Variants in FAT2 observed in about 807,000 individuals in gnomAD.
FAT2 encodes the protein FAT atypical cadherin 2.
A neutral mutation model predicts 295.3 loss-of-function variants in FAT2; 150 were observed. The ratio of observed to expected loss-of-function variants is 0.51; its 90% CI spans 0.44 to 0.58. The LOEUF is 0.58. Among genes scored for constraint, FAT2 ranks in the 20% least tolerant of loss-of-function variants. The probability of loss-of-function intolerance (pLI) is 0.00; values close to 1 mark genes in which losing one functional copy is unlikely to be tolerated. For missense variants in FAT2, 4,868 were observed against 5,442.7 expected (o/e 0.89, Z 3.32); for synonymous variants, 2,026 against 2,150.3 (o/e 0.94, Z 1.60).
Position 151,565,813 on chromosome 5 carries a change from TG to T in FAT2, c.3118del (p.Gln1040ArgfsTer12). 6.2e-7 allele frequency: 1 copy of T among 1,614,188 alleles called. No individual in the cohort carries two copies. Among genetic ancestry groups the T allele is most frequent in the East Asian group, 2.2e-5 (1 of 44,888 alleles). ...PHFASFVHQG[Q>X]VQENSPSGTQ... ...TCCCGAGGGGCTGTTCTCCTGCACC[TG>T]GCCCTGGTGCACGAAGGAGGCAAAG... On this transcript the variant is annotated frameshift_variant, in exon 2 of 24. Coordinates refer to ENST00000261800, the MANE Select transcript of FAT2 (RefSeq NM_001447.3). LOFTEE classifies it high-confidence loss of function.
chr5:151,517,697 T>C lies in FAT2; in HGVS notation c.11386A>G (p.Ile3796Val). The change falls in exon 20 of 24, where the codon ATC (isoleucine) becomes GTC (valine). Residue 3796 changes from isoleucine (I) to valine (V), a missense_variant. Coordinates refer to ENST00000261800, the MANE Select transcript of FAT2 (RefSeq NM_001447.3). ...TGGAGTGTTTTCAGATAGAAATGGA[T>C]GTGCCAGTTCCGAGCCGCTGGGGCC... ...YRAPAARNWHIHFYLKTLQPQ... is the reference protein window; with the variant it reads ...YRAPAARNWHVHFYLKTLQPQ... 1.2e-6 allele frequency: 2 copies of C among 1,614,202 alleles called. No homozygotes were observed. Among genetic ancestry groups the C allele is most frequent in the Non-Finnish European group, 1.7e-6 (2 of 1,180,028 alleles).
intron 11 of FAT2, 94 bp from the exon 12 acceptor site, chr5:151,538,040 A>C (rs1755653122): frequency 3.6e-6 from 4 of 1,103,784 alleles, no homozygotes; most frequent in Non-Finnish European, 5.2e-6. Context: ...GCAGAAGCAG[A>C]AAGAGAGACA....
chr5:151,584,787 T>G (rs1759106608), intron 1 of FAT2, among the ~76,000 whole-genome samples: 1 of 152,142 alleles, frequency 6.6e-6, no homozygotes, highest in Admixed American at 6.5e-5. Flanking sequence ...GAGCACGGAT[T>G]GGAACAAATG....
At position 151,542,960 on chromosome 5, in the gene FAT2, T is replaced by A. The variant is rs954237759; in HGVS notation, c.8167A>T (p.Ile2723Phe). The A allele has an allele frequency of 6.2e-7, 1 of 1,614,234 alleles. No individual in the cohort carries two copies. The highest frequency in any genetic ancestry group is 1.7e-5 in the Admixed American group (1 of 60,024). The change falls in exon 10 of 24, where the codon ATC (isoleucine) becomes TTC (phenylalanine). Residue 2723 changes from isoleucine (I) to phenylalanine (F), a missense_variant. Transcript: ENST00000261800. ...GTAGTGCCCCGCACTAGACTGTAGA[T>A]GACTGGATCTTGAGCTGCCACTGCT... ...VKAVAAQDPV[I>F]YSLVRGTTPE...
At chr5:151,522,160 C>A in intron 18 of FAT2, 74 bp from the exon 19 acceptor site, 1 of 1,217,078 alleles carries the variant, frequency 8.2e-7, no homozygotes. Context: ...GCTGGGCCTC[C>A]TTGTGGAGCT....
rs2127562682 is a variant in FAT2, at chr5:151,505,914, T to A, written c.12701A>T (p.Asn4234Ile). 1 of 1,589,496 alleles carries A rather than the reference T, an allele frequency of 6.3e-7. No individual in the cohort carries two copies. The highest frequency in any genetic ancestry group is 2.2e-5 in the East Asian group (1 of 44,568). ...ACGGGGTGGGAGAGGTGCCCGCTTG[T>A]TTTCCATCTCCAGGGGGAAGGGGAA... ...GGFPFPLEME[N>I]KRAPLPPRYS... The change falls in exon 24 of 24, where the codon AAC becomes ATC. Residue 4234 changes from asparagine to isoleucine, a missense_variant. Coordinates refer to ENST00000261800, the MANE Select transcript of FAT2 (RefSeq NM_001447.3).
rs2127612154 is a variant in FAT2 at position 151,545,441 on chromosome 5, C to A, written c.5686G>T (p.Ala1896Ser). 3.1e-6 allele frequency: 5 copies of A among 1,614,172 alleles called. No individual in the cohort carries two copies. The highest frequency in any genetic ancestry group is 4.2e-6 in the Non-Finnish European group (5 of 1,180,036). The change falls in exon 10 of 24, where the codon GCC becomes TCC. Residue 1896 changes from alanine (A) to serine (S), a missense_variant. Physicochemically the swap from Ala to Ser is moderately conservative, Grantham distance 99. Around this residue, in one of 5 missense-constraint regions of FAT2, gnomAD observed 3,297 missense variants for 3,669.4 expected, o/e 0.90. Transcript: ENST00000261800. ...TTGACTTCTGAGTCTTCATCGCTGG[C>A]CCGCACCATGAGAAGCTCCATGCCT... is the stretch of plus-strand genomic sequence containing the variant. ...HPGMELLMVR[A>S]SDEDSEVNYS...
chr5:151,512,956 C>T lies in FAT2; in HGVS notation c.11464-350G>A, dbSNP rs183978168. The stretch of plus-strand genomic sequence containing the variant: ...CACACTTGTGAATATTGGCCTTCAG[C>T]GATTTGAAAAACCTGTCTCCCACTC... On this transcript the variant is annotated intron_variant, in intron 20 of 23. Coordinates refer to ENST00000261800, the MANE Select transcript of FAT2 (RefSeq NM_001447.3). This position sits in a 1 kb window ranked among gnomAD's most constrained non-coding sequence, Gnocchi z 4.1. 4.5e-4 allele frequency among the ~76,000 whole-genome samples: 68 copies of T among 152,294 alleles called. No individual in the cohort carries two copies. The highest frequency in any genetic ancestry group is 2.8e-3 in the Admixed American group (43 of 15,298).
chr5:151,519,656 C>T (rs975992955), intron 19 of FAT2, among the ~76,000 whole-genome samples: 1 of 152,014 alleles, frequency 6.6e-6, no homozygotes, highest in African/African-American at 2.4e-5. Context: ...TTGATCTGGG[C>T]GTTGGCTACA....
rs2127628092 is a variant in FAT2, at chr5:151,553,405, C to T, written c.3946-18G>A. ...GCCTTGATCTGAAAGGAGGCCAACA[C>T]CAAAACTGAGGTTTGGGGCCAAGAG... On this transcript the variant is annotated intron_variant, in intron 5 of 23. Coordinates refer to ENST00000261800, the MANE Select transcript of FAT2 (RefSeq NM_001447.3). 1.2e-6 allele frequency: 2 copies of T among 1,612,156 alleles called. No homozygotes were observed. Among genetic ancestry groups the T allele is most frequent in the South Asian group, 2.2e-5 (2 of 90,764 alleles).
At chr5:151,517,865 C>T (rs1168317263) in intron 19 of FAT2, 100 bp from the exon 20 acceptor site, 12 of 1,411,816 alleles carry the variant, frequency 8.5e-6, no homozygotes, top group Non-Finnish European at 9.8e-6. Flanking sequence ...CAGACAGAAT[C>T]ATTGCTCATA....
At chr5:151,539,981 A>G (rs1329536362) in intron 11 of FAT2, among the ~76,000 whole-genome samples, 1 of 152,306 alleles carries the variant, frequency 6.6e-6, no homozygotes, top group Admixed American at 6.5e-5. Context: ...AGGTGCATAT[A>G]TGGGCATGGG....
At chr5:151,591,341 G>A (rs567055854), upstream of FAT2, among the ~76,000 whole-genome samples, 86 of 152,068 alleles carry the variant, frequency 5.7e-4, no homozygotes, top group African/African-American at 1.9e-3. Context: ...CCCAGCCCAG[G>A]AGGAGGAGGA....
At chr5:151,551,067 C>G (rs1757151483) in intron 7 of FAT2, among the ~76,000 whole-genome samples, 196 bp from the exon 8 acceptor site, 1 of 152,034 alleles carries the variant, frequency 6.6e-6, no homozygotes, top group Non-Finnish European at 1.5e-5. Flanking sequence ...TAGTGTTTTT[C>G]AAAAACAAAA....
intron 19 of FAT2, among the ~76,000 whole-genome samples, chr5:151,520,289 G>A (rs1753310891): frequency 1.3e-5 from 2 of 152,384 alleles, no homozygotes; most frequent in African/African-American, 4.8e-5. Flanking sequence ...TAATGCCAGG[G>A]ATGCTGGGTG....
At position 151,566,451 on chromosome 5, in the gene FAT2, T is replaced by G. The variant is rs1758268952; in HGVS notation, c.2481A>C (p.Leu827Phe). The G allele has an allele frequency of 2.5e-6, 4 of 1,613,414 alleles. No homozygotes were observed. Among genetic ancestry groups the G allele is most frequent in the Non-Finnish European group, 3.4e-6 (4 of 1,179,734 alleles). ...APRFPPGGYQ[L>F]TISEDTEVGT... ...CAACTTCTGTGTCCTCCGAGATGGTTAACTGGTACCCACCGGGAGGAAATC... is the reference window on the plus strand; with the variant it reads ...CAACTTCTGTGTCCTCCGAGATGGTGAACTGGTACCCACCGGGAGGAAATC... The change falls in exon 2 of 24, where the codon TTA becomes TTC. Residue 827 changes from leucine to phenylalanine, a missense_variant. Leu to Phe is a conservative substitution (Grantham distance 22). Coordinates refer to ENST00000261800, the MANE Select transcript of FAT2 (RefSeq NM_001447.3).
chr5:151,532,070 C>G lies in FAT2; in HGVS notation c.9428-100G>C, dbSNP rs1055686627. 13 of 1,474,094 alleles carry G rather than the reference C, an allele frequency of 8.8e-6. No individual in the cohort carries two copies. In the African/African-American group the frequency reaches 1.7e-4, roughly 19 times the overall value. 91.3% of individuals were successfully genotyped at this position (1,474,094 alleles called of 1,614,324 possible). On this transcript the variant is annotated intron_variant, in intron 13 of 23. Transcript: ENST00000261800. ...CACAGGAGGGGCTGGGGAGGGGCTC[C>G]CATGAAGGCGGACAAGCTGGCTTGG...
At chr5:151,564,907 T>A (rs1439357359) in intron 2 of FAT2, among the ~76,000 whole-genome samples, 1 of 152,088 alleles carries the variant, frequency 6.6e-6, no homozygotes, top group Non-Finnish European at 1.5e-5. Flanking sequence ...AACCCGTTTC[T>A]ACTAAAAATA....
intron 20 of FAT2, among the ~76,000 whole-genome samples, chr5:151,516,100 A>T (rs758877953): frequency 6.6e-6 from 1 of 151,850 alleles, no homozygotes; most frequent in African/African-American, 2.4e-5. Context: ...TATTCCCTCT[A>T]TCTAGAATGT....
Sources: allele counts gnomAD v4.1 joint callset (sites outside exome capture counted in the v4.1 genomes callset), GRCh38; gene constraint gnomAD v4.1.1; regional missense constraint gnomAD v4.1.1; non-coding constraint Gnocchi (gnomAD v3.1); transcripts MANE v1.5; gene names NCBI Gene and HGNC (gene_info 2026-07-23, HGNC 2026-07-21).